Variants in NMI observed in about 807,000 individuals in gnomAD.
The protein encoded by NMI is N-myc-interactor.
A neutral mutation model predicts 34.3 loss-of-function variants in NMI; 39 were observed. The observed-to-expected ratio is 1.14, with a 90% CI of 0.88 to 1.49. NMI has a LOEUF of 1.49. Among genes scored for constraint, NMI ranks in the 40% most tolerant of loss-of-function variants. The probability of loss-of-function intolerance (pLI) is 0.00; values close to 1 mark genes in which losing one functional copy is unlikely to be tolerated. For synonymous variants in NMI, 113 were observed against 120.3 expected, an observed-to-expected ratio of 0.94 and a Z score of 0.40; for missense variants, 339 against 358.1, an observed-to-expected ratio of 0.95 and a Z score of 0.43.
At chr2:151,289,012 G>C (rs1683564249) in intron 1 of NMI, 1 of 152,346 alleles carries the variant, frequency 6.6e-6, no homozygotes, top group Non-Finnish European at 1.5e-5. Flanking sequence ...GGGAGGCCGA[G>C]GCGTGCGGAT....
At chr2:151,282,775 G>T in intron 2 of NMI, 93 bp downstream of exon 2, 1 of 628,170 alleles carries the variant, frequency 1.6e-6, no homozygotes, top group Non-Finnish European at 2.6e-6. Flanking sequence ...CAAATTCAAG[G>T]TAATGTTGGA....
At chr2:151,273,162 C>T (rs1683218259) in intron 6 of NMI, among the ~76,000 whole-genome samples, 1 of 150,854 alleles carries the variant, frequency 6.6e-6, no homozygotes, top group Non-Finnish European at 1.5e-5. Context: ...AGACCAGCTT[C>T]AGTCCTAGCT....
chr2:151,281,068 G>A (rs1683393001), intron 3 of NMI, among the ~76,000 whole-genome samples: 1 of 152,024 alleles, frequency 6.6e-6, no homozygotes, highest in Admixed American at 6.6e-5. Context: ...GTGAATTCCT[G>A]ACCCCATGAT....
Position 151,278,847 on chromosome 2 carries a change from G to C in NMI, c.321C>G (p.Ile107Met), listed in dbSNP as rs1683335661. 2 of 1,613,220 alleles carry C rather than the reference G, an allele frequency of 1.2e-6. No individual in the cohort carries two copies. ...TCATACCTTCTTCTTTTTCAAAGGT[G>C]ATAAGTGCTTGTCCTTTTTGTATCT... is the stretch of plus-strand genomic sequence containing the variant. ...PYEIQKGQALITFEKEEVAQN... is the reference protein window; with the variant it reads ...PYEIQKGQALMTFEKEEVAQN... Residue 107 changes from isoleucine (I) to methionine (M), a missense_variant, in exon 4 of 8, where the codon ATC becomes ATG. Coordinates refer to ENST00000243346, the MANE Select transcript of NMI (RefSeq NM_004688.3).
rs1348376982 is a variant in NMI, at chr2:151,275,596, T to C, written c.522A>G (p.Arg174=). The part of the protein sequence containing the change: ...IPDTLREDQM[R]DKLELSFSKS... ...TTGAAAAGCTCAGCTCTAGTTTGTC[T>C]CTCATTTGATCTTCACGCAATGTGT... is the stretch of plus-strand genomic sequence containing the variant. Residue 174 remains arginine, a synonymous_variant, in exon 6 of 8, where the codon AGA becomes AGG. Coordinates refer to ENST00000243346, the MANE Select transcript of NMI (RefSeq NM_004688.3). 1.2e-6 allele frequency: 2 copies of C among 1,614,194 alleles called. No homozygotes were observed. Among genetic ancestry groups the C allele is most frequent in the South Asian group, 1.1e-5 (1 of 91,086 alleles).
In NMI at chr2:151,275,869, A is replaced by G; in HGVS notation, c.341-5T>C. ...TGCTTACCACATTTTGAGCAACTGAAAAATAATTCAGGAAGGAAGTATTAA... is the reference window on the plus strand; with the variant it reads ...TGCTTACCACATTTTGAGCAACTGAGAAATAATTCAGGAAGGAAGTATTAA... On this transcript the variant is annotated splice_region_variant and splice_polypyrimidine_tract_variant and intron_variant, in intron 4 of 7. Coordinates refer to ENST00000243346, the MANE Select transcript of NMI (RefSeq NM_004688.3). 6.6e-7 allele frequency: 1 copy of G among 1,524,868 alleles called. No individual in the cohort carries two copies. The highest frequency in any genetic ancestry group is 9.0e-7 in the Non-Finnish European group (1 of 1,116,676). 94.5% of individuals were successfully genotyped at this position (1,524,868 alleles called of 1,614,324 possible).
At chr2:151,275,027 C>T (rs774633341) in intron 6 of NMI, among the ~76,000 whole-genome samples, 1 of 151,736 alleles carries the variant, frequency 6.6e-6, no homozygotes, top group Non-Finnish European at 1.5e-5. Context: ...ACCACAGGCA[C>T]GCACCACTAT....
chr2:151,279,369 T>C (rs1158792127), intron 3 of NMI, among the ~76,000 whole-genome samples: 1 of 152,224 alleles, frequency 6.6e-6, no homozygotes, highest in African/African-American at 2.4e-5. Context: ...TTAGATAGTA[T>C]GTTTAATTTT....
At chr2:151,277,418 G>A (rs964354279) in intron 4 of NMI, 2 of 152,166 alleles carry the variant, frequency 1.3e-5, no homozygotes, top group South Asian at 4.1e-4. Context: ...TTGTGACTCT[G>A]ACAATCAAGA....
intron 6 of NMI, among the ~76,000 whole-genome samples, chr2:151,274,495 A>ATTT (rs1683251555): frequency 7.1e-6 from 1 of 140,562 alleles, no homozygotes. Context: ...TTTTTTTTTG[A>ATTT]GACGGAGTCT....
chr2:151,275,386 C>A, intron 6 of NMI, 98 bp downstream of exon 6: 1 of 1,088,342 alleles, frequency 9.2e-7, no homozygotes, highest in South Asian at 1.5e-5. Flanking sequence ...CATGCTAATA[C>A]ATTCCAAATA....
chr2:151,288,078 G>A (rs534698532), intron 1 of NMI, among the ~76,000 whole-genome samples: 163 of 152,288 alleles, frequency 1.1e-3, no homozygotes, highest in Middle Eastern at 6.8e-3. Context: ...CTATGCATGA[G>A]TGGGATGTAT....
At chr2:151,288,653 TA>T (rs1313231392) in intron 1 of NMI, among the ~76,000 whole-genome samples, 1 of 151,984 alleles carries the variant, frequency 6.6e-6, no homozygotes, top group African/African-American at 2.4e-5. Flanking sequence ...GGCAGCGAAT[TA>T]AAAAAACTGA....
intron 1 of NMI, among the ~76,000 whole-genome samples, chr2:151,288,434 G>A (rs1045375969): frequency 8.5e-5 from 13 of 152,140 alleles, no homozygotes; most frequent in Non-Finnish European, 1.3e-4. Flanking sequence ...GGTGGCCTCC[G>A]GAAGATGGAA....
At chr2:151,275,420 T>G in intron 6 of NMI, 64 bp downstream of exon 6, 1 of 1,419,610 alleles carries the variant, frequency 7.0e-7, no homozygotes, top group Non-Finnish European at 9.8e-7. Context: ...AGGAATACTT[T>G]CAGAAACAAC....
chr2:151,278,686 T>C (rs1286457814), intron 4 of NMI, 142 bp downstream of exon 4: 2 of 642,166 alleles, frequency 3.1e-6, no homozygotes, highest in Non-Finnish European at 5.3e-6. Context: ...ATCTGTAAAA[T>C]GGGAATAATC....
chr2:151,288,000 C>T (rs1683534286), intron 1 of NMI, among the ~76,000 whole-genome samples: 2 of 152,210 alleles, frequency 1.3e-5, no homozygotes, highest in African/African-American at 4.8e-5. Context: ...AGGCTCTCAG[C>T]ATAAATGGTC....
Position 151,275,464 on chromosome 2 carries a change from C to A in NMI, c.634+20G>T. ...ACTGAAATGGCAGAGTGTCTGTTAA[C>A]CTTCTACACCCTTGAGTACCTCCAA... On this transcript the variant is annotated intron_variant, in intron 6 of 7. Transcript: ENST00000243346. The A allele has an allele frequency of 6.2e-7, 1 of 1,605,536 alleles. No individual in the cohort carries two copies. The highest frequency in any genetic ancestry group is 8.5e-7 in the Non-Finnish European group (1 of 1,174,262).
intron 1 of NMI, among the ~76,000 whole-genome samples, chr2:151,285,010 G>A (rs1683470013): frequency 6.6e-6 from 1 of 152,180 alleles, no homozygotes; most frequent in Non-Finnish European, 1.5e-5. Context: ...GGGCTCATTG[G>A]AGCAATGGCT....
Sources: allele counts gnomAD v4.1 joint callset (sites outside exome capture counted in the v4.1 genomes callset), GRCh38; gene constraint gnomAD v4.1.1; transcripts MANE v1.5; gene names NCBI Gene and HGNC (gene_info 2026-07-23, HGNC 2026-07-21).